ZNF81: variants seen among roughly 807,000 people sequenced by gnomAD.
ZNF81 encodes the protein zinc finger protein 81 (HFZ20).
ZNF81 carries 5 observed loss-of-function variants against 32.3 expected under a neutral mutation model. The observed-to-expected ratio is 0.15, with a 90% CI of 0.08 to 0.33. ZNF81 has a LOEUF of 0.33. Ranked by LOEUF, ZNF81 falls within the 10% of genes least tolerant of loss-of-function variation. ZNF81 has a pLI of 1.00. For synonymous variants in ZNF81, 163 were observed against 166.8 expected (o/e 0.98, Z 0.17); for missense variants, 379 against 479.8 (o/e 0.79, Z 1.96).
At chrX:47,840,894 T>TC in intron 1 of ZNF81, 1 of 433,812 alleles carries the variant, frequency 2.3e-6, no homozygotes. Context: ...TGATAAAAAT[T>TC]CCCCCCAAAA....
At chrX:47,889,568 C>T (rs1222165417) in intron 3 of ZNF81, among the ~76,000 whole-genome samples, 1 of 112,090 alleles carries the variant, frequency 8.9e-6, no homozygotes, top group Non-Finnish European at 1.9e-5. Flanking sequence ...CATGTCTGAT[C>T]TGAGGTTACA....
chrX:47,878,621 AATTTCCCC>A (rs782687808), intron 2 of ZNF81, among the ~76,000 whole-genome samples: 3 of 112,198 alleles, frequency 2.7e-5, no homozygotes, highest in Non-Finnish European at 5.6e-5. Context: ...AGTGTGTAAG[AATTTCCCC>A]AGTTCCTCCT....
At chrX:47,852,603 A>G (rs916276965) in intron 2 of ZNF81, among the ~76,000 whole-genome samples, 13 of 112,551 alleles carry the variant, frequency 1.2e-4, no homozygotes, top group Non-Finnish European at 2.3e-4. Context: ...CTCATCCGTT[A>G]AAGTTTTATC....
chrX:47,862,334 CAT>C (rs1292029999), intron 2 of ZNF81, among the ~76,000 whole-genome samples: 2 of 109,298 alleles, frequency 1.8e-5, no homozygotes, highest in Non-Finnish European at 1.9e-5. Flanking sequence ...GCCTGGCCAA[CAT>C]AGTGAAACCC....
chrX:47,913,182 G>A (rs112005210), intron 4 of ZNF81, among the ~76,000 whole-genome samples: 1,247 of 111,750 alleles, frequency 0.011, 18 homozygotes, highest in African/African-American at 0.039. Context: ...TGATAAGCAA[G>A]ATTAGTGAGG....
chrX:47,924,314 C>T lies in ZNF81; in HGVS notation c.*7682C>T, dbSNP rs1183404423. The stretch of plus-strand genomic sequence containing the variant: ...ATGTTATTAAGAAGTCTTAGACAAA[C>T]TTGCTCTCTTTTTTCTTGTATATAA... On this transcript the variant is annotated 3_prime_UTR_variant, in exon 5 of 5. Transcript: ENST00000338637. Among the ~76,000 whole-genome samples, 1 of 111,973 alleles carries T rather than the reference C, an allele frequency of 8.9e-6. No individual in the cohort carries two copies. The highest frequency in any genetic ancestry group is 2.8e-4 in the East Asian group (1 of 3,591).
At position 47,920,137 on chromosome X, in the gene ZNF81, C is replaced by T. The variant is rs993882493; in HGVS notation, c.*3505C>T. On this transcript the variant is annotated 3_prime_UTR_variant, in exon 5 of 5. Coordinates refer to ENST00000338637, the MANE Select transcript of ZNF81 (RefSeq NM_007137.5). Reference sequence around the variant, plus strand: ...TGTGTTTCTTTGTTGCCAGTGTTACCTTTGCTGTACCATAGACTTAAAATT... The same window carrying T: ...TGTGTTTCTTTGTTGCCAGTGTTACTTTTGCTGTACCATAGACTTAAAATT... The T allele has an allele frequency of 1.8e-5, 2 of 111,944 alleles. No individual in the cohort carries two copies. The highest frequency in any genetic ancestry group is 3.8e-5 in the Non-Finnish European group (2 of 53,198). 9.2% of individuals were successfully genotyped at this position (111,944 alleles called of 1,213,427 possible).
At chrX:47,853,048 A>G (rs2058501720) in intron 2 of ZNF81, among the ~76,000 whole-genome samples, 1 of 112,479 alleles carries the variant, frequency 8.9e-6, no homozygotes, top group African/African-American at 3.2e-5. Context: ...GACCAGGTGC[A>G]TTGTCAGTGA....
chrX:47,893,391 C>A (rs1392109609), intron 3 of ZNF81, among the ~76,000 whole-genome samples: 1 of 110,990 alleles, frequency 9.0e-6, no homozygotes, highest in East Asian at 2.8e-4. Context: ...CCCTGAAGTT[C>A]CAAATTATCC....
intron 1 of ZNF81, chrX:47,841,298 G>A (rs782501128): frequency 4.7e-6 from 3 of 641,934 alleles, no homozygotes; most frequent in South Asian, 4.4e-5. Flanking sequence ...GTCACATAAG[G>A]TTCCACTATA....
At chrX:47,850,089 A>G (rs1437230311) in intron 2 of ZNF81, among the ~76,000 whole-genome samples, 2 of 111,799 alleles carry the variant, frequency 1.8e-5, no homozygotes, top group African/African-American at 6.5e-5. Flanking sequence ...TATGTAGACC[A>G]TATGAGGAAA....
At chrX:47,913,800 C>T (rs987489146) in intron 4 of ZNF81, among the ~76,000 whole-genome samples, 1 of 111,375 alleles carries the variant, frequency 9.0e-6, no homozygotes, top group African/African-American at 3.3e-5. Context: ...AAGCACATAG[C>T]AAAGGACCTA....
intron 4 of ZNF81, among the ~76,000 whole-genome samples, chrX:47,901,944 A>C (rs1291372887): frequency 2.7e-5 from 3 of 111,653 alleles, no homozygotes; most frequent in Non-Finnish European, 3.8e-5. Context: ...ATTACTTTAA[A>C]TTTCTTTTTC....
chrX:47,898,063 A>C (rs782642422), intron 4 of ZNF81, among the ~76,000 whole-genome samples: 1 of 111,496 alleles, frequency 9.0e-6, no homozygotes, highest in African/African-American at 3.3e-5. Flanking sequence ...AGCATAGGCC[A>C]GAGCCTTTAT....
At position 47,846,106 on chromosome X, in the gene ZNF81, G is replaced by A. The variant is rs1311866638; in HGVS notation, c.-162G>A. On this transcript the variant is annotated splice_region_variant and 5_prime_UTR_variant, in exon 2 of 5. Transcript: ENST00000338637. ...ATCATATGGACACTGTCTTTCCAGA[G>A]TTCTTGGAGTCTCTGCGGAGTCCCT... is the stretch of plus-strand genomic sequence containing the variant. 4 of 575,743 alleles carry A rather than the reference G, an allele frequency of 6.9e-6. No individual in the cohort carries two copies. Among genetic ancestry groups the A allele is most frequent in the Non-Finnish European group, 1.2e-5 (4 of 344,498 alleles). 47.4% of individuals were successfully genotyped at this position (575,743 alleles called of 1,213,427 possible).
intron 1 of ZNF81, among the ~76,000 whole-genome samples, chrX:47,844,881 G>A (rs940208638): frequency 1.9e-4 from 21 of 112,363 alleles, no homozygotes; most frequent in African/African-American, 6.5e-4. Flanking sequence ...TTTAGTGGAT[G>A]TGACATGGTC....
intron 3 of ZNF81, among the ~76,000 whole-genome samples, chrX:47,889,471 T>TG (rs1361377011): frequency 8.9e-6 from 1 of 111,980 alleles, no homozygotes; most frequent in African/African-American, 3.2e-5. Flanking sequence ...GCTGGGGAGA[T>TG]GGGGGGACCC....
rs1305704166 is a variant in ZNF81, at chrX:47,920,665, CT to C, written c.*4034del. 9.1e-6 allele frequency: 1 copy of C among 110,134 alleles called. No individual in the cohort carries two copies. The allele number at this position is 110,134 out of a possible 1,213,427, so 9.1% of individuals were successfully genotyped here. On this transcript the variant is annotated 3_prime_UTR_variant, in exon 5 of 5. Coordinates refer to ENST00000338637, the MANE Select transcript of ZNF81 (RefSeq NM_007137.5). Reference sequence around the variant, plus strand: ...GTTTCATTGGAGCTTTGTGCCATTTCTATGTTAACAGCAGCCCCCTTGCAGG... The same window carrying C: ...GTTTCATTGGAGCTTTGTGCCATTTCATGTTAACAGCAGCCCCCTTGCAGG...
intron 2 of ZNF81, among the ~76,000 whole-genome samples, chrX:47,878,058 A>G (rs2058606724): frequency 1.8e-5 from 2 of 111,533 alleles, no homozygotes; most frequent in South Asian, 7.5e-4. Context: ...GGCATGATCG[A>G]CTGTAGGAGG....
Sources: gnomAD v4.1 joint callset for allele counts (sites outside exome capture counted in the v4.1 genomes callset) on GRCh38, gnomAD v4.1.1 for gene constraint, MANE v1.5 for transcripts, NCBI Gene and HGNC (gene_info 2026-07-23, HGNC 2026-07-21) for gene names.